Variants in TCF20 observed in about 807,000 individuals in gnomAD.
TCF20 encodes transcription factor 20.
Under a neutral mutation model 148.6 loss-of-function variants are expected in TCF20, and 3 were observed. That is an observed-to-expected ratio of 0.02 (90% CI 0.01 to 0.05). The LOEUF is 0.05. Ranked by LOEUF, TCF20 falls within the 10% of genes least tolerant of loss-of-function variation. The pLI is 1.00. For missense variants in TCF20, 2,350 were observed against 2,429.3 expected (o/e 0.97, Z 0.69); for synonymous variants, 1,049 against 909.5 (o/e 1.15, Z -2.76).
Position 42,215,037 on chromosome 22 carries a change from T to C in TCF20, c.269A>G (p.Tyr90Cys). The change falls in exon 2 of 6, where the codon TAC becomes TGC. Residue 90 changes from tyrosine (Y) to cysteine (C), a missense_variant. Tyr to Cys is a radical substitution (Grantham distance 194). Transcript: ENST00000677622. ...QGFRKEAGDF[Y>C]YMAGNKDPVT... ...GGGGTCTTTGTTGCCTGCCATGTAGTAAAAATCTCCAGCCTCTTTCCTGAA... is the reference window on the plus strand; with the variant it reads ...GGGGTCTTTGTTGCCTGCCATGTAGCAAAAATCTCCAGCCTCTTTCCTGAA... The C allele has an allele frequency of 6.2e-7, 1 of 1,614,158 alleles. No individual in the cohort carries two copies. The highest frequency in any genetic ancestry group is 8.5e-7 in the Non-Finnish European group (1 of 1,180,034).
chr22:42,310,672 A>G (rs1927519039), intron 1 of TCF20, among the ~76,000 whole-genome samples: 1 of 151,008 alleles, frequency 6.6e-6, no homozygotes, highest in Admixed American at 6.6e-5. Context: ...GCAAGGAGAC[A>G]GGGCCTGTGG....
intron 5 of TCF20, among the ~76,000 whole-genome samples, chr22:42,163,598 G>A (rs547573784): frequency 2.6e-5 from 4 of 152,318 alleles, no homozygotes; most frequent in Non-Finnish European, 4.4e-5. Flanking sequence ...TCAGGAAGGC[G>A]ACACATGTAG....
chr22:42,212,930 A>G lies in TCF20; in HGVS notation c.2376T>C (p.Val792=). ...LEGTTRPNVL[V]SQTNELASRG... Reference sequence around the variant, plus strand: ...TGCTAGCTAATTCATTGGTTTGACTAACCAAGACATTGGGCCTTGTGGTTC... The same window carrying G: ...TGCTAGCTAATTCATTGGTTTGACTGACCAAGACATTGGGCCTTGTGGTTC... Residue 792 remains valine (V), a synonymous_variant, in exon 2 of 6, where the codon GTT becomes GTC. Coordinates refer to ENST00000677622, the MANE Select transcript of TCF20 (RefSeq NM_001378418.1). 1 of 1,614,160 alleles carries G rather than the reference A, an allele frequency of 6.2e-7. No homozygotes were observed. The highest frequency in any genetic ancestry group is 8.5e-7 in the Non-Finnish European group (1 of 1,180,038).
intron 1 of TCF20, among the ~76,000 whole-genome samples, chr22:42,316,630 G>A (rs1205202450): frequency 6.9e-6 from 1 of 145,750 alleles, no homozygotes; most frequent in Non-Finnish European, 1.5e-5. Flanking sequence ...TAGAGACGGG[G>A]TTTCACCATG....
rs546402230 is a variant in TCF20 at position 42,318,052 on chromosome 22, C to T, written c.-37+25427G>A. ...TGGGCCTTGACCCCACAAGCACCCCCGGCCCGCTTACCTGCCAGAGGCCCT... is the reference window on the plus strand; with the variant it reads ...TGGGCCTTGACCCCACAAGCACCCCTGGCCCGCTTACCTGCCAGAGGCCCT... On this transcript the variant is annotated intron_variant, in intron 1 of 1. Transcript: ENST00000515426. Among the ~76,000 whole-genome samples, 162 of 152,358 alleles carry T rather than the reference C, an allele frequency of 1.1e-3. 2 individuals carry two copies. The highest frequency in any genetic ancestry group is 5.0e-4 in the Non-Finnish European group (34 of 68,028).
intron 2 of TCF20, among the ~76,000 whole-genome samples, chr22:42,194,904 T>C (rs1937515682): frequency 6.6e-6 from 1 of 151,736 alleles, no homozygotes; most frequent in African/African-American, 2.4e-5. Flanking sequence ...TCTCCACACT[T>C]ACACAGACCT....
rs566139670 is a variant in TCF20, at chr22:42,221,214, T to C, written c.-36-5873A>G. On this transcript the variant is annotated intron_variant, in intron 1 of 5. Transcript: ENST00000677622. ...GGTAGATGCAGCACACGTGGATTCA[T>C]AGCGGCTTCCCCATGAGCTCACGAG... Among the ~76,000 whole-genome samples, 116 of 152,302 alleles carry C rather than the reference T, an allele frequency of 7.6e-4. 2 individuals are homozygous for C. Among genetic ancestry groups the C allele is most frequent in the Non-Finnish European group, 1.8e-4 (12 of 68,020 alleles).
intron 3 of TCF20, among the ~76,000 whole-genome samples, chr22:42,172,209 T>A (rs970732995): frequency 6.6e-6 from 1 of 152,180 alleles, no homozygotes; most frequent in Non-Finnish European, 1.5e-5. Context: ...GGAAGCACAA[T>A]TCACGTTCCT....
intron 3 of TCF20, among the ~76,000 whole-genome samples, chr22:42,178,660 G>A (rs1158230709): frequency 2.3e-5 from 3 of 132,696 alleles, no homozygotes; most frequent in African/African-American, 5.8e-5. Flanking sequence ...GCGTGATCTC[G>A]CAACCTCTGC....
At chr22:42,191,470 G>A (rs1937332429) in intron 2 of TCF20, among the ~76,000 whole-genome samples, 1 of 152,060 alleles carries the variant, frequency 6.6e-6, no homozygotes, top group Admixed American at 6.6e-5. Flanking sequence ...TGTATTTTTA[G>A]TAGAGACGGG....
At chr22:42,228,892 G>GA (rs1468392944) in intron 1 of TCF20, among the ~76,000 whole-genome samples, 1 of 152,170 alleles carries the variant, frequency 6.6e-6, no homozygotes, top group Admixed American at 6.5e-5. Context: ...GAGCAGAATG[G>GA]AAAATAACAG....
At chr22:42,291,320 C>T (rs1927129040) in intron 1 of TCF20, among the ~76,000 whole-genome samples, 1 of 152,192 alleles carries the variant, frequency 6.6e-6, no homozygotes, top group Admixed American at 6.5e-5. Flanking sequence ...GCCCTCCCCA[C>T]AGCCTTGGGG....
chr22:42,306,667 C>G (rs762999), intron 1 of TCF20, among the ~76,000 whole-genome samples: 100,438 of 152,042 alleles, frequency 0.66, 33,806 homozygotes, highest in African/African-American at 0.79. Flanking sequence ...CAGGAGCCCC[C>G]ATGCCACTGG....
At chr22:42,199,844 CAAA>C (rs566204437) in intron 2 of TCF20, among the ~76,000 whole-genome samples, 5 of 95,572 alleles carry the variant, frequency 5.2e-5, no homozygotes, top group Admixed American at 1.1e-4. Context: ...TGACTCTGTC[CAAA>C]AAAAAAAAAA....
chr22:42,255,057 A>C (rs1925654220), intron 1 of TCF20, among the ~76,000 whole-genome samples: 1 of 151,110 alleles, frequency 6.6e-6, no homozygotes, highest in Non-Finnish European at 1.5e-5. Flanking sequence ...TAGTTGGGTG[A>C]CCTTGGGCAA....
rs182632494 is a variant in TCF20, at chr22:42,338,917, G to C, written c.-37+4562C>G. Among the ~76,000 whole-genome samples the C allele has an allele frequency of 3.5e-4, 53 of 152,166 alleles. 2 individuals carry two copies. The highest frequency in any genetic ancestry group is 1.3e-3 in the African/African-American group (53 of 41,484). ...GAGATCTAAGGATGGGGGTGAGCAG[G>C]GTGTCTGGTCCCATTTTTCAGATAG... is the stretch of plus-strand genomic sequence containing the variant. On this transcript the variant is annotated intron_variant, in intron 1 of 1. Coordinates refer to the TCF20 transcript ENST00000515426. The surrounding 1 kb of genome is among the most constrained non-coding windows in gnomAD (Gnocchi z 4.0).
intron 1 of TCF20, among the ~76,000 whole-genome samples, chr22:42,229,378 G>A (rs1186420105): frequency 6.6e-6 from 1 of 152,178 alleles, no homozygotes; most frequent in Non-Finnish European, 1.5e-5. Flanking sequence ...TAAGGGAACG[G>A]CAGGATATCC....
intron 1 of TCF20, among the ~76,000 whole-genome samples, chr22:42,235,337 C>T (rs1294174789): frequency 6.6e-6 from 1 of 152,122 alleles, no homozygotes; most frequent in Non-Finnish European, 1.5e-5. Context: ...CTTTCCTCCT[C>T]CCTTCTCAAC....
chr22:42,217,342 G>A (rs917010856), intron 1 of TCF20, among the ~76,000 whole-genome samples: 1 of 152,064 alleles, frequency 6.6e-6, no homozygotes, highest in African/African-American at 2.4e-5. Context: ...CCAGTCTTTG[G>A]GCAAGTGTCA....
Sources: gnomAD v4.1 joint callset for allele counts (sites outside exome capture counted in the v4.1 genomes callset) on GRCh38, gnomAD v4.1.1 for gene constraint, Gnocchi (gnomAD v3.1) non-coding constraint, MANE v1.5 for transcripts, NCBI Gene and HGNC (gene_info 2026-07-23, HGNC 2026-07-21) for gene names.